Variants in ZFAND3 observed in about 807,000 individuals in gnomAD.
The protein encoded by ZFAND3 is AN1-type zinc finger protein 3.
ZFAND3 carries 10 observed loss-of-function variants against 29.6 expected under a neutral mutation model. The ratio of observed to expected loss-of-function variants is 0.34; its 90% CI spans 0.21 to 0.57. The LOEUF (loss-of-function observed/expected upper bound fraction) is 0.57. ZFAND3 is among the 20% of genes least tolerant of loss of function. The pLI, the probability that ZFAND3 is intolerant of heterozygous loss-of-function variation, is 0.86. For synonymous variants in ZFAND3, 128 were observed against 112.6 expected (o/e 1.14, Z -0.87); for missense variants, 230 against 304.5 (o/e 0.76, Z 1.82).
chr6:37,991,884 T>C (rs967640130), intron 2 of ZFAND3, among the ~76,000 whole-genome samples: 1 of 152,226 alleles, frequency 6.6e-6, no homozygotes, highest in Non-Finnish European at 1.5e-5. Context: ...AGAAGGAGTT[T>C]TGGTTATTAA....
At chr6:37,847,488 C>T (rs764084819) in intron 1 of ZFAND3, among the ~76,000 whole-genome samples, 11 of 152,076 alleles carry the variant, frequency 7.2e-5, no homozygotes, top group Non-Finnish European at 1.2e-4. Flanking sequence ...ACATGAGAAT[C>T]GCTTGAACCC....
intron 1 of ZFAND3, among the ~76,000 whole-genome samples, chr6:37,905,160 A>G (rs749052511): frequency 1.3e-5 from 2 of 152,100 alleles, no homozygotes; most frequent in Admixed American, 6.6e-5. Flanking sequence ...TTGTACTCCA[A>G]AGTCAGTATA....
At chr6:38,028,043 A>G (rs1451642531) in intron 2 of ZFAND3, among the ~76,000 whole-genome samples, 3 of 152,348 alleles carry the variant, frequency 2.0e-5, no homozygotes, top group Middle Eastern at 3.4e-3. Flanking sequence ...AAGAGAGCAC[A>G]TTTGCTACAA....
rs181555856 is a variant in ZFAND3, at chr6:38,002,431, C to T, written c.113-59162C>T. On this transcript the variant is annotated intron_variant, in intron 2 of 5. Coordinates refer to ENST00000287218, the MANE Select transcript of ZFAND3 (RefSeq NM_021943.3). The stretch of plus-strand genomic sequence containing the variant: ...TGTTGGCTCACACCTGTAATCACAG[C>T]GCTTTGAGAGGCTGAGGCGGGCGGA... Among the ~76,000 whole-genome samples the T allele has an allele frequency of 7.2e-5, 11 of 152,150 alleles. No homozygotes were observed. In the East Asian group the frequency reaches 1.2e-3, roughly 16 times the overall value.
intron 2 of ZFAND3, among the ~76,000 whole-genome samples, chr6:37,942,734 G>C (rs1411275052): frequency 1.3e-5 from 2 of 152,116 alleles, no homozygotes; most frequent in Non-Finnish European, 2.9e-5. Context: ...AGATGTTTCT[G>C]AATAGACCAT....
intron 2 of ZFAND3, among the ~76,000 whole-genome samples, chr6:38,038,887 C>A (rs1446395320): frequency 1.3e-5 from 2 of 152,130 alleles, no homozygotes; most frequent in East Asian, 1.9e-4. Flanking sequence ...GCTGTTGGAT[C>A]CCATCCTGAA....
intron 1 of ZFAND3, among the ~76,000 whole-genome samples, chr6:37,835,868 G>A (rs1008426901): frequency 1.3e-5 from 2 of 152,118 alleles, no homozygotes; most frequent in Non-Finnish European, 2.9e-5. Context: ...ATAATAAATG[G>A]CAGAACAGTA....
chr6:37,912,919 T>G (rs1765548358), intron 1 of ZFAND3, among the ~76,000 whole-genome samples: 1 of 152,202 alleles, frequency 6.6e-6, no homozygotes, highest in Non-Finnish European at 1.5e-5. Flanking sequence ...TTACACAAAT[T>G]TTTTGGTTTC....
intron 3 of ZFAND3, among the ~76,000 whole-genome samples, chr6:38,078,399 T>C (rs541122691): frequency 2.2e-4 from 34 of 152,340 alleles, no homozygotes; most frequent in Non-Finnish European, 4.3e-4. Context: ...GTCCTCTGAA[T>C]GTAATATCAA....
intron 4 of ZFAND3, among the ~76,000 whole-genome samples, chr6:38,102,902 G>A (rs1429775842): frequency 1.3e-5 from 2 of 152,050 alleles, no homozygotes; most frequent in Non-Finnish European, 1.5e-5. Context: ...GACTACAGGC[G>A]CGTGCCACCA....
chr6:37,886,336 A>C (rs1764994285), intron 1 of ZFAND3, among the ~76,000 whole-genome samples: 1 of 151,996 alleles, frequency 6.6e-6, no homozygotes, highest in African/African-American at 2.4e-5. Flanking sequence ...CCTTAATGAC[A>C]AAGAAACCAA....
chr6:37,973,647 C>G (rs1270167311), intron 2 of ZFAND3, among the ~76,000 whole-genome samples: 1 of 152,198 alleles, frequency 6.6e-6, no homozygotes, highest in South Asian at 2.1e-4. Flanking sequence ...TAGCACAGCT[C>G]TGAAGCATTA....
At chr6:37,863,874 A>G (rs1202836406) in intron 1 of ZFAND3, among the ~76,000 whole-genome samples, 1 of 152,216 alleles carries the variant, frequency 6.6e-6, no homozygotes, top group South Asian at 2.1e-4. Flanking sequence ...TTGTGGCTGG[A>G]CTAAGTCTAG....
chr6:38,030,051 G>GATATATATATATATATAT (rs58560520), intron 2 of ZFAND3, among the ~76,000 whole-genome samples: 1 of 94,988 alleles, frequency 1.1e-5, no homozygotes, highest in Non-Finnish European at 2.0e-5. Flanking sequence ...AGTTCTGCTG[G>GATATATATATATATATAT]ATATATATAT....
chr6:37,982,861 C>G (rs1762603194), intron 2 of ZFAND3, among the ~76,000 whole-genome samples: 1 of 152,136 alleles, frequency 6.6e-6, no homozygotes, highest in East Asian at 1.9e-4. Context: ...CCCTGAAGAC[C>G]TTCCAGTAGG....
At chr6:37,963,233 A>T (rs1223178215) in intron 2 of ZFAND3, among the ~76,000 whole-genome samples, 2 of 152,206 alleles carry the variant, frequency 1.3e-5, no homozygotes, top group Non-Finnish European at 2.9e-5. Context: ...CCCAAAGAAG[A>T]CTACTTAAAG....
At chr6:38,042,235 T>C (rs1763804112) in intron 2 of ZFAND3, among the ~76,000 whole-genome samples, 1 of 151,938 alleles carries the variant, frequency 6.6e-6, no homozygotes, top group South Asian at 2.1e-4. Flanking sequence ...ATGCATGGAC[T>C]AAGTAAATCA....
intron 3 of ZFAND3, 64 bp downstream of exon 3, chr6:38,061,839 G>A: frequency 1.3e-6 from 2 of 1,555,342 alleles, no homozygotes; most frequent in East Asian, 2.3e-5. Flanking sequence ...TGAGCATCTT[G>A]GTAATGCCTG....
chr6:38,045,125 C>T (rs1311907179), intron 2 of ZFAND3, among the ~76,000 whole-genome samples: 12 of 149,914 alleles, frequency 8.0e-5, no homozygotes, highest in South Asian at 2.1e-4. Context: ...CTCACTCTGT[C>T]GCCCAGACTG....
Sources: allele counts gnomAD v4.1 joint callset (sites outside exome capture counted in the v4.1 genomes callset), GRCh38; gene constraint gnomAD v4.1.1; transcripts MANE v1.5; gene names NCBI Gene and HGNC (gene_info 2026-07-23, HGNC 2026-07-21).